EXOC6: variants seen among roughly 807,000 people sequenced by gnomAD.
The protein encoded by EXOC6 is SEC15-like 1.
In EXOC6, 60 loss-of-function variants were observed where a neutral mutation model predicts 112.5. The observed-to-expected ratio is 0.53, with a 90% CI of 0.43 to 0.66. The LOEUF (loss-of-function observed/expected upper bound fraction) is 0.66, where lower values mean the gene tolerates loss of function less well. Ranked by LOEUF, EXOC6 falls within the 30% of genes least tolerant of loss-of-function variation. The pLI, the probability that EXOC6 is intolerant of heterozygous loss-of-function variation, is 0.00. For synonymous variants in EXOC6, 295 were observed against 308.0 expected (o/e 0.96, Z 0.44); for missense variants, 855 against 957.1 (o/e 0.89, Z 1.41).
intron 8 of EXOC6, among the ~76,000 whole-genome samples, chr10:92,924,897 A>G (rs1009114020): frequency 2.0e-4 from 31 of 152,110 alleles, no homozygotes; most frequent in African/African-American, 7.0e-4. Flanking sequence ...CTTAGCTCCC[A>G]CTGATGAGTG....
intron 1 of EXOC6, among the ~76,000 whole-genome samples, chr10:92,869,761 C>A (rs987605689): frequency 6.6e-6 from 1 of 152,210 alleles, no homozygotes; most frequent in South Asian, 2.1e-4. Context: ...GTTACGTAAT[C>A]ATATAGTCTG....
At chr10:93,029,784 T>G (rs996687732) in intron 20 of EXOC6, among the ~76,000 whole-genome samples, 5 of 152,232 alleles carry the variant, frequency 3.3e-5, no homozygotes, top group Non-Finnish European at 4.4e-5. Flanking sequence ...TTATAATCCA[T>G]CCAAAGTTGA....
intron 1 of EXOC6, among the ~76,000 whole-genome samples, chr10:92,859,274 A>G (rs1189604887): frequency 1.3e-5 from 2 of 152,038 alleles, no homozygotes; most frequent in African/African-American, 4.8e-5. Flanking sequence ...AATCAAGTGT[A>G]TTTCCCTCAC....
chr10:92,870,861 C>A (rs1381186698), intron 1 of EXOC6, among the ~76,000 whole-genome samples: 10 of 152,058 alleles, frequency 6.6e-5, no homozygotes, highest in Non-Finnish European at 4.4e-5. Context: ...AGGCATGCGC[C>A]ACCACGCCCA....
chr10:93,050,594 A>C lies in EXOC6; in HGVS notation c.2170-6330A>C, dbSNP rs571456976. Among the ~76,000 whole-genome samples the C allele has an allele frequency of 1.3e-4, 20 of 150,658 alleles. No homozygotes were observed. In the South Asian group the frequency reaches 4.2e-3, roughly 32 times the overall value. ...CCAACATGGTGAAACCCCATCTCTA[A>C]CTAAAAATACAAAAAATTAGCCGGG... On this transcript the variant is annotated intron_variant, in intron 20 of 21. Transcript: ENST00000260762.
intron 1 of EXOC6, among the ~76,000 whole-genome samples, chr10:92,887,522 C>A (rs1201789298): frequency 6.6e-6 from 1 of 151,214 alleles, no homozygotes; most frequent in Non-Finnish European, 1.5e-5. Context: ...GCCTCAGCCT[C>A]CCAAGTAGCT....
At chr10:92,866,189 TGATTTTAA>T (rs911324711) in intron 1 of EXOC6, among the ~76,000 whole-genome samples, 3 of 152,214 alleles carry the variant, frequency 2.0e-5, no homozygotes, top group African/African-American at 7.2e-5. Context: ...CTGCTGGTAA[TGATTTTAA>T]ATTTTTAATC....
intron 20 of EXOC6, among the ~76,000 whole-genome samples, chr10:93,043,800 C>A (rs571281608): frequency 6.6e-6 from 1 of 152,250 alleles, no homozygotes; most frequent in Non-Finnish European, 1.5e-5. Context: ...AAAATAAGTC[C>A]TCCTTCAACT....
chr10:92,928,668 A>G (rs1158565322), intron 9 of EXOC6, among the ~76,000 whole-genome samples: 1 of 151,980 alleles, frequency 6.6e-6, no homozygotes, highest in Non-Finnish European at 1.5e-5. Flanking sequence ...AAAAAGGACC[A>G]ACAAGAAATA....
intron 20 of EXOC6, among the ~76,000 whole-genome samples, chr10:93,044,655 G>A (rs528080680): frequency 3.3e-4 from 50 of 152,080 alleles, no homozygotes; most frequent in Non-Finnish European, 5.3e-4. Context: ...TGAAATTTAG[G>A]TCATCACTTC....
intron 16 of EXOC6, 24 bp downstream of exon 16, chr10:92,954,765 T>A (rs752992387): frequency 1.0e-6 from 1 of 1,002,356 alleles, no homozygotes; most frequent in Non-Finnish European, 1.6e-6. Context: ...ACACATATAG[T>A]GAAATGTTTC....
At chr10:93,033,637 C>G (rs1845375286) in intron 20 of EXOC6, among the ~76,000 whole-genome samples, 2 of 152,192 alleles carry the variant, frequency 1.3e-5, no homozygotes. Context: ...TGGAACAATG[C>G]AATATGTAAA....
At chr10:93,051,486 G>T (rs1590116851) in intron 20 of EXOC6, among the ~76,000 whole-genome samples, 1 of 152,280 alleles carries the variant, frequency 6.6e-6, no homozygotes, top group African/African-American at 2.4e-5. Context: ...GTGGCTGGAG[G>T]CACAATACTG....
At chr10:92,974,451 A>G (rs1341902891) in intron 18 of EXOC6, among the ~76,000 whole-genome samples, 17 of 152,168 alleles carry the variant, frequency 1.1e-4, no homozygotes, top group Admixed American at 9.8e-4. Flanking sequence ...TCTTTCCACC[A>G]AAGCCAAGGC....
chr10:93,018,165 C>T (rs1590050923), intron 20 of EXOC6, among the ~76,000 whole-genome samples: 1 of 151,688 alleles, frequency 6.6e-6, no homozygotes. Context: ...ATGTACAGAC[C>T]ATGTTTACAT....
At chr10:92,872,186 T>C (rs1285230407) in intron 1 of EXOC6, among the ~76,000 whole-genome samples, 1 of 152,146 alleles carries the variant, frequency 6.6e-6, no homozygotes, top group Non-Finnish European at 1.5e-5. Context: ...CTACATGTTC[T>C]GATATATCTT....
chr10:93,022,119 G>A (rs1025366907), intron 20 of EXOC6, among the ~76,000 whole-genome samples: 2 of 152,114 alleles, frequency 1.3e-5, no homozygotes, highest in African/African-American at 4.8e-5. Context: ...CTAGGGAATC[G>A]TTACTAAGAC....
chr10:92,848,569 C>A lies in EXOC6; in HGVS notation c.36C>A (p.Pro12=), dbSNP rs773031817. ...ACAGCGAGAGTCTGGGCACCGTCCC[C>A]GAGCACGAGCGGATCTTGCAGGAGA... The part of the protein sequence containing the change: ...AENSESLGTV[P]EHERILQEIE... The change falls in exon 1 of 22, where the codon CCC becomes CCA. Residue 12 remains proline (P), a synonymous_variant. Coordinates refer to ENST00000260762, the MANE Select transcript of EXOC6 (RefSeq NM_019053.6). 5 of 1,451,504 alleles carry A rather than the reference C, an allele frequency of 3.4e-6. No individual in the cohort carries two copies. The highest frequency in any genetic ancestry group is 4.6e-6 in the Non-Finnish European group (5 of 1,084,968). The allele number at this position is 1,451,504 out of a possible 1,614,324, so 89.9% of individuals were successfully genotyped here. A position where few individuals can be genotyped will look rare whatever the true frequency, so the allele number is the denominator to read the frequency against.
At chr10:92,930,007 CACTCTTAGAAACTTTATAATT>C (rs1851940738) in intron 9 of EXOC6, among the ~76,000 whole-genome samples, 1 of 152,172 alleles carries the variant, frequency 6.6e-6, no homozygotes, top group East Asian at 1.9e-4. Context: ...AAAAGAAATA[CACTCTTAGAAACTTTATAATT>C]AAATTGCAGA....
Sources: gnomAD v4.1 joint callset for allele counts (sites outside exome capture counted in the v4.1 genomes callset) on GRCh38, gnomAD v4.1.1 for gene constraint, MANE v1.5 for transcripts, NCBI Gene and HGNC (gene_info 2026-07-23, HGNC 2026-07-21) for gene names.